RNF216: variants seen among roughly 807,000 people sequenced by gnomAD.
RNF216 encodes ring finger protein 216, also known as E3 ubiquitin-protein ligase RNF216.
In RNF216, 72 loss-of-function variants were observed where a neutral mutation model predicts 110.8. That is an observed-to-expected ratio of 0.65 (90% confidence interval 0.54 to 0.79). The LOEUF is 0.79. Ranked by LOEUF, RNF216 falls within the 30% of genes least tolerant of loss-of-function variation. The pLI is 0.00. For synonymous variants in RNF216, 495 were observed against 407.5 expected, an observed-to-expected ratio of 1.21 and a Z score of -2.59; for missense variants, 1,342 against 1,141.2, an observed-to-expected ratio of 1.18 and a Z score of -2.54.
intron 3 of RNF216, among the ~76,000 whole-genome samples, 170 bp downstream of exon 3, chr7:5,752,676 C>A (rs1002510637): frequency 6.6e-6 from 1 of 152,142 alleles, no homozygotes; most frequent in Non-Finnish European, 1.5e-5. Context: ...CAGAAACAGA[C>A]TGAAACATAC....
intron 13 of RNF216, among the ~76,000 whole-genome samples, chr7:5,674,187 G>A (rs920848222): frequency 6.6e-6 from 1 of 151,670 alleles, no homozygotes. Context: ...CCACCACCAC[G>A]CCCAGCTAAT....
At chr7:5,693,655 T>C (rs1791463701) in intron 13 of RNF216, among the ~76,000 whole-genome samples, 1 of 152,160 alleles carries the variant, frequency 6.6e-6, no homozygotes, top group Non-Finnish European at 1.5e-5. Context: ...AAGGGAACTG[T>C]AGGTCTTTTG....
At chr7:5,683,485 A>G (rs973753524) in intron 13 of RNF216, among the ~76,000 whole-genome samples, 1 of 152,036 alleles carries the variant, frequency 6.6e-6, no homozygotes, top group Non-Finnish European at 1.5e-5. Context: ...TATCACCCCC[A>G]TCCTCCATGT....
chr7:5,753,792 T>G (rs1252155319), intron 2 of RNF216, among the ~76,000 whole-genome samples: 1 of 152,084 alleles, frequency 6.6e-6, no homozygotes, highest in African/African-American at 2.4e-5. Flanking sequence ...GTCAGGAGTT[T>G]GAGACCAGCC....
intron 13 of RNF216, among the ~76,000 whole-genome samples, chr7:5,706,869 C>T (rs527401370): frequency 6.6e-6 from 1 of 152,318 alleles, no homozygotes; most frequent in South Asian, 2.1e-4. Context: ...AGCTTTCCAC[C>T]TACGTTTTCT....
chr7:5,749,244 G>A (rs939313063), intron 3 of RNF216, among the ~76,000 whole-genome samples: 2 of 151,204 alleles, frequency 1.3e-5, no homozygotes, highest in Admixed American at 1.3e-4. Context: ...TCCATCTCCT[G>A]GGTTTAAGCG....
intron 13 of RNF216, among the ~76,000 whole-genome samples, chr7:5,666,291 G>A (rs554365713): frequency 6.6e-6 from 1 of 152,224 alleles, no homozygotes; most frequent in Admixed American, 6.6e-5. Context: ...TAAGTGCTGA[G>A]GAGAAAAAAA....
chr7:5,734,440 A>G (rs1282491427), intron 5 of RNF216, among the ~76,000 whole-genome samples: 2 of 152,164 alleles, frequency 1.3e-5, no homozygotes, highest in Non-Finnish European at 1.5e-5. Flanking sequence ...GGTTACACAA[A>G]TGTTTGGTTT....
chr7:5,750,791 A>G (rs1203369708), intron 3 of RNF216, among the ~76,000 whole-genome samples: 1 of 152,220 alleles, frequency 6.6e-6, no homozygotes, highest in Non-Finnish European at 1.5e-5. Flanking sequence ...ACGTGGCAGG[A>G]CAACGTTGCA....
chr7:5,698,079 C>A (rs904456629), intron 13 of RNF216, among the ~76,000 whole-genome samples: 1 of 152,094 alleles, frequency 6.6e-6, no homozygotes, highest in Non-Finnish European at 1.5e-5. Flanking sequence ...AAAAAAAGTA[C>A]TTTTATGAGG....
At chr7:5,629,491 A>T (rs1786923837) in intron 15 of RNF216, among the ~76,000 whole-genome samples, 1 of 152,028 alleles carries the variant, frequency 6.6e-6, no homozygotes, top group Non-Finnish European at 1.5e-5. Flanking sequence ...ACTGAATTGT[A>T]AACTTAAAAA....
At chr7:5,686,364 C>A (rs1368595642) in intron 13 of RNF216, among the ~76,000 whole-genome samples, 2 of 152,114 alleles carry the variant, frequency 1.3e-5, no homozygotes, top group Non-Finnish European at 2.9e-5. Context: ...TTGCTTCTCA[C>A]AACCACCCTG....
intron 13 of RNF216, among the ~76,000 whole-genome samples, chr7:5,700,658 C>T (rs1235618259): frequency 6.6e-6 from 1 of 152,156 alleles, no homozygotes; most frequent in East Asian, 1.9e-4. Flanking sequence ...CCCATAGAAA[C>T]TCGTTAAAAA....
In RNF216 at chr7:5,741,139, G is replaced by T. The variant is rs763753865; in HGVS notation, c.878C>A (p.Ala293Asp). The T allele has an allele frequency of 6.8e-6, 11 of 1,614,132 alleles. No individual in the cohort carries two copies. The East Asian group carries it at 2.5e-4, about 36-fold the overall frequency. Reference sequence around the variant, plus strand: ...GTCTTCAAACTCTCCTAGAGGATGGGCAGGCTGAGGAGAAGAGGGGCCTGA... The same window carrying T: ...GTCTTCAAACTCTCCTAGAGGATGGTCAGGCTGAGGAGAAGAGGGGCCTGA... Reference protein sequence around the residue: ...GISGPSSPQPAHPLGEFEDQQ... With the variant: ...GISGPSSPQPDHPLGEFEDQQ... The change falls in exon 4 of 17, where the codon GCC (alanine) becomes GAC (aspartate). Residue 293 changes from alanine to aspartate, a missense_variant. Physicochemically the swap from Ala to Asp is moderately radical, Grantham distance 126 (BLOSUM62 -2). Coordinates refer to ENST00000389902, the MANE Select transcript of RNF216 (RefSeq NM_207111.4).
chr7:5,739,024 AAAG>A (rs1794599369), intron 5 of RNF216, among the ~76,000 whole-genome samples: 1 of 152,176 alleles, frequency 6.6e-6, no homozygotes, highest in Non-Finnish European at 1.5e-5. Context: ...ATCCATATAG[AAAG>A]AAAGTAGGAT....
chr7:5,698,092 A>G (rs1019868353), intron 13 of RNF216, among the ~76,000 whole-genome samples: 2 of 152,210 alleles, frequency 1.3e-5, no homozygotes, highest in African/African-American at 4.8e-5. Context: ...TTATGAGGCT[A>G]TGGGGATTTC....
chr7:5,722,358 C>T (rs1368332434), intron 8 of RNF216, among the ~76,000 whole-genome samples: 4 of 142,898 alleles, frequency 2.8e-5, no homozygotes, highest in Non-Finnish European at 6.0e-5. Flanking sequence ...TTTTCTCTTG[C>T]TCATTCTCAT....
At chr7:5,674,747 T>G (rs1188365527) in intron 13 of RNF216, among the ~76,000 whole-genome samples, 1 of 152,024 alleles carries the variant, frequency 6.6e-6, no homozygotes, top group Non-Finnish European at 1.5e-5. Flanking sequence ...AAAGCAAATG[T>G]GGCTCTAGGA....
chr7:5,753,759 G>C (rs1795454804), intron 2 of RNF216, among the ~76,000 whole-genome samples: 1 of 152,198 alleles, frequency 6.6e-6, no homozygotes. Flanking sequence ...CACTTTGGGA[G>C]GCCGAGGTGG....
Sources: gnomAD v4.1 joint callset for allele counts (sites outside exome capture counted in the v4.1 genomes callset) on GRCh38, gnomAD v4.1.1 for gene constraint, MANE v1.5 for transcripts, NCBI Gene and HGNC (gene_info 2026-07-23, HGNC 2026-07-21) for gene names.